The following RBFOX1 variants were observed in gnomAD, a reference collection of about 807,000 sequenced individuals.
RBFOX1 encodes the protein RNA binding protein fox-1 homolog 1.
A neutral mutation model predicts 57.7 loss-of-function variants in RBFOX1; 8 were observed. The observed-to-expected ratio is 0.14, with a 90% CI of 0.08 to 0.25. The LOEUF (loss-of-function observed/expected upper bound fraction) is 0.25, where lower values mean the gene tolerates loss of function less well. Among genes scored for constraint, RBFOX1 ranks in the 10% least tolerant of loss-of-function variants. The probability of loss-of-function intolerance (pLI) is 1.00; values close to 1 mark genes in which losing one functional copy is unlikely to be tolerated. For synonymous variants in RBFOX1, 326 were observed against 222.4 expected (o/e 1.47, Z -4.15); for missense variants, 611 against 548.5 (o/e 1.11, Z -1.14).
At chr16:6,829,725 C>T (rs2092558487) in intron 3 of RBFOX1, among the ~76,000 whole-genome samples, 3 of 152,002 alleles carry the variant, frequency 2.0e-5, no homozygotes, top group Admixed American at 6.6e-5. Flanking sequence ...TCTCAGCCTC[C>T]TGAGTAGCTG....
intron 4 of RBFOX1, among the ~76,000 whole-genome samples, chr16:5,985,811 G>C (rs1464978599): frequency 1.3e-5 from 2 of 152,174 alleles, no homozygotes; most frequent in East Asian, 3.9e-4. Context: ...ACATCTGGCT[G>C]CCTCTGGGGG....
At chr16:5,534,107 G>A (rs1597429455) in intron 2 of RBFOX1, among the ~76,000 whole-genome samples, 1 of 152,080 alleles carries the variant, frequency 6.6e-6, no homozygotes, top group African/African-American at 2.4e-5. Flanking sequence ...TTGTGCACTG[G>A]CTCTCAATTC....
intron 2 of RBFOX1, among the ~76,000 whole-genome samples, chr16:6,601,238 T>G (rs183808800): frequency 1.3e-5 from 2 of 152,282 alleles, no homozygotes; most frequent in Non-Finnish European, 2.9e-5. Flanking sequence ...GAATGACGAA[T>G]TGAACCAGCA....
At chr16:6,111,590 A>G (rs761573017) in intron 1 of RBFOX1, among the ~76,000 whole-genome samples, 5 of 152,216 alleles carry the variant, frequency 3.3e-5, no homozygotes, top group Non-Finnish European at 7.3e-5. Context: ...ATGGCTTTTG[A>G]CAAATGTGTC....
rs1167619720 is a variant in RBFOX1, at chr16:7,095,877, G to GT, written c.27+43780dup. Among the ~76,000 whole-genome samples, 4 of 151,948 alleles carry GT rather than the reference G, an allele frequency of 2.6e-5. No individual in the cohort carries two copies. The East Asian group carries it at 7.7e-4, about 29-fold the overall frequency. On this transcript the variant is annotated intron_variant, in intron 4 of 15. Coordinates refer to ENST00000550418, the MANE Select transcript of RBFOX1 (RefSeq NM_018723.4). ...AATACAAAAAAATTAGCCAGGCGTG[G>GT]TGGCGGGTGTCTGTAATCCCAGCTA...
intron 2 of RBFOX1, among the ~76,000 whole-genome samples, chr16:6,590,151 G>T (rs529816563): frequency 6.6e-6 from 1 of 152,334 alleles, no homozygotes; most frequent in African/African-American, 2.4e-5. Flanking sequence ...TCAGAATGGA[G>T]TATGGGGAAC....
intron 4 of RBFOX1, among the ~76,000 whole-genome samples, chr16:5,905,307 C>T (rs2058431577): frequency 6.6e-6 from 1 of 151,850 alleles, no homozygotes; most frequent in African/African-American, 2.4e-5. Flanking sequence ...CCCGCCTCGG[C>T]CTCCCAAAGT....
intron 4 of RBFOX1, among the ~76,000 whole-genome samples, chr16:7,375,988 C>T (rs2097679084): frequency 6.6e-6 from 1 of 152,154 alleles, no homozygotes; most frequent in Admixed American, 6.5e-5. Flanking sequence ...AACCCCTATC[C>T]CACAAGCCAG....
chr16:5,901,960 A>T (rs1282116111), intron 4 of RBFOX1, among the ~76,000 whole-genome samples: 1 of 152,000 alleles, frequency 6.6e-6, no homozygotes, highest in Non-Finnish European at 1.5e-5. Context: ...CTACGTCTAA[A>T]CTCTCATAGC....
intron 5 of RBFOX1, among the ~76,000 whole-genome samples, chr16:7,577,188 A>C (rs1441733899): frequency 6.6e-6 from 1 of 152,140 alleles, no homozygotes; most frequent in Admixed American, 6.5e-5. Context: ...TTAAACAGAC[A>C]TTTATCATTT....
At chr16:5,911,190 A>C (rs1008852226) in intron 4 of RBFOX1, among the ~76,000 whole-genome samples, 1 of 152,146 alleles carries the variant, frequency 6.6e-6, no homozygotes. Flanking sequence ...CTTGCAGCCC[A>C]TTTGGCTTGC....
chr16:7,382,301 T>C (rs1266849723), intron 4 of RBFOX1, among the ~76,000 whole-genome samples: 5 of 152,236 alleles, frequency 3.3e-5, no homozygotes, highest in Non-Finnish European at 5.9e-5. Context: ...ATAAATTATA[T>C]CATACTTAAA....
At chr16:7,490,683 A>T (rs979153491) in intron 4 of RBFOX1, among the ~76,000 whole-genome samples, 17 of 152,236 alleles carry the variant, frequency 1.1e-4, no homozygotes, top group Non-Finnish European at 2.2e-4. Context: ...CTAGTTCATA[A>T]GTCCAAGTTC....
At chr16:6,452,697 A>G (rs1013453581) in intron 2 of RBFOX1, among the ~76,000 whole-genome samples, 22 of 152,354 alleles carry the variant, frequency 1.4e-4, no homozygotes, top group African/African-American at 5.3e-4. Context: ...ATATTTGACT[A>G]TAGGTGGTTC....
At chr16:6,409,752 T>G (rs1393235915) in intron 2 of RBFOX1, among the ~76,000 whole-genome samples, 2 of 152,216 alleles carry the variant, frequency 1.3e-5, no homozygotes, top group Non-Finnish European at 2.9e-5. Context: ...AAATTTATAT[T>G]CTTCCGAAGC....
intron 3 of RBFOX1, among the ~76,000 whole-genome samples, chr16:5,692,906 C>G (rs948028341): frequency 1.3e-5 from 2 of 152,200 alleles, no homozygotes; most frequent in Non-Finnish European, 2.9e-5. Context: ...GCACATGCAG[C>G]TTAGCTGGGA....
intron 4 of RBFOX1, among the ~76,000 whole-genome samples, chr16:7,353,623 G>A (rs567008071): frequency 2.0e-4 from 30 of 152,272 alleles, no homozygotes; most frequent in African/African-American, 7.2e-4. Flanking sequence ...GATATGTTCA[G>A]GTATAAAATG....
At chr16:6,691,808 T>C (rs2060249638) in intron 3 of RBFOX1, among the ~76,000 whole-genome samples, 1 of 152,202 alleles carries the variant, frequency 6.6e-6, no homozygotes, top group East Asian at 1.9e-4. Context: ...ATAGGCTCGA[T>C]GTCATCCCAA....
chr16:6,876,815 T>A (rs1399451962), intron 3 of RBFOX1, among the ~76,000 whole-genome samples: 1 of 152,152 alleles, frequency 6.6e-6, no homozygotes, highest in Non-Finnish European at 1.5e-5. Context: ...CTGCTAAAAC[T>A]GACCGAAAGA....
Sources: gnomAD v4.1 joint callset for allele counts (sites outside exome capture counted in the v4.1 genomes callset) on GRCh38, gnomAD v4.1.1 for gene constraint, MANE v1.5 for transcripts, NCBI Gene and HGNC (gene_info 2026-07-23, HGNC 2026-07-21) for gene names.